Variants in ATP2B2 observed in about 807,000 individuals in gnomAD.
The protein encoded by ATP2B2 is plasma membrane calcium-transporting ATPase 2.
ATP2B2 carries 15 observed loss-of-function variants against 120.0 expected under a neutral mutation model. That is an observed-to-expected ratio of 0.12 (90% CI 0.08 to 0.19). The LOEUF is 0.19. Among genes scored for constraint, ATP2B2 ranks in the 10% least tolerant of loss-of-function variants. ATP2B2 has a pLI of 1.00. For synonymous variants in ATP2B2, 694 were observed against 700.3 expected (o/e 0.99, Z 0.14); for missense variants, 1,045 against 1,719.8 (o/e 0.61, Z 6.94).
chr3:10,524,554 G>T (rs2067051483), intron 3 of ATP2B2, among the ~76,000 whole-genome samples: 1 of 152,078 alleles, frequency 6.6e-6, no homozygotes, highest in Non-Finnish European at 1.5e-5. Flanking sequence ...CCTCTTTTCT[G>T]GGAGAATGGC....
At chr3:10,390,657 C>T (rs1402964691) in intron 5 of ATP2B2, among the ~76,000 whole-genome samples, 1 of 152,164 alleles carries the variant, frequency 6.6e-6, no homozygotes, top group Non-Finnish European at 1.5e-5. Context: ...ATGCAGAAAC[C>T]AAGTCATGAA....
rs372286945 is a variant in ATP2B2, at chr3:10,346,985, TC to T, written c.2405-849del. Among the ~76,000 whole-genome samples, 52 of 152,122 alleles carry T rather than the reference TC, an allele frequency of 3.4e-4. 1 individual carries two copies. The South Asian group carries it at 1.0e-2, about 29-fold the overall frequency. On this transcript the variant is annotated intron_variant, in intron 16 of 22. Transcript: ENST00000360273. The surrounding 1 kb of genome is among the most constrained non-coding windows in gnomAD (Gnocchi z 4.1). ...TTGTTTCCTCTCACTGACTCTGGACTCCCCCTCCAACTTGCTTCCCCACAGC... is the reference window on the plus strand; with the variant it reads ...TTGTTTCCTCTCACTGACTCTGGACTCCCCTCCAACTTGCTTCCCCACAGC...
At chr3:10,471,920 A>T (rs1346427517) in intron 1 of ATP2B2, among the ~76,000 whole-genome samples, 2 of 151,672 alleles carry the variant, frequency 1.3e-5, no homozygotes, top group Non-Finnish European at 2.9e-5. Context: ...CTCTACTAAA[A>T]ATACAAAAAA....
At chr3:10,707,594 G>C (rs1177329445) in intron 1 of ATP2B2, among the ~76,000 whole-genome samples, 1 of 152,058 alleles carries the variant, frequency 6.6e-6, no homozygotes, top group Non-Finnish European at 1.5e-5. Flanking sequence ...CCAGCTCCGG[G>C]GCTGCTCCGA....
At chr3:10,494,991 A>G (rs1020283024) in intron 1 of ATP2B2, among the ~76,000 whole-genome samples, 1 of 152,184 alleles carries the variant, frequency 6.6e-6, no homozygotes, top group African/African-American at 2.4e-5. Flanking sequence ...GGTGCTTAAG[A>G]CATGTAAACC....
chr3:10,507,531 G>A (rs977120990), upstream of ATP2B2, among the ~76,000 whole-genome samples: 6 of 152,212 alleles, frequency 3.9e-5, no homozygotes, highest in African/African-American at 1.4e-4. Context: ...AAGACGGGCA[G>A]AGGCGGAAAG....
chr3:10,488,501 T>TCCTTCCTA (rs2065810800), intron 1 of ATP2B2, among the ~76,000 whole-genome samples: 1 of 76,960 alleles, frequency 1.3e-5, no homozygotes, highest in African/African-American at 5.1e-5. Context: ...CTTCCTTCCT[T>TCCTTCCTA]CCTTCGTTCC....
At chr3:10,348,526 C>T (rs1377335312) in intron 16 of ATP2B2, among the ~76,000 whole-genome samples, 1 of 152,226 alleles carries the variant, frequency 6.6e-6, no homozygotes, top group African/African-American at 2.4e-5. Context: ...CTCCAGTCTC[C>T]TGTAGCTTCC....
rs151102969 is a variant in ATP2B2 at position 10,460,571 on chromosome 3, C to G, written c.-319-10709G>C. Among the ~76,000 whole-genome samples the G allele has an allele frequency of 2.5e-3, 380 of 152,236 alleles. 3 individuals are homozygous for G. The highest frequency in any genetic ancestry group is 9.0e-3 in the African/African-American group (374 of 41,524). On this transcript the variant is annotated intron_variant, in intron 1 of 22. Transcript: ENST00000360273. ...CGCTGGGGAAGGCACTGGGCCTTTT[C>G]CATGAGTTCTGTGAGCAAGCATGGG...
At chr3:10,592,929 T>G (rs60602260) in intron 2 of ATP2B2, among the ~76,000 whole-genome samples, 2 of 152,028 alleles carry the variant, frequency 1.3e-5, no homozygotes, top group Non-Finnish European at 2.9e-5. Context: ...ACTACAGGTA[T>G]GCACCACCAC....
chr3:10,459,785 A>G (rs2125230472), intron 1 of ATP2B2, among the ~76,000 whole-genome samples: 1 of 152,326 alleles, frequency 6.6e-6, no homozygotes, highest in East Asian at 1.9e-4. Flanking sequence ...ATCCTTCACA[A>G]CGATGCTTTG....
At chr3:10,483,922 C>T (rs936164282) in intron 1 of ATP2B2, among the ~76,000 whole-genome samples, 7 of 98,652 alleles carry the variant, frequency 7.1e-5, no homozygotes, top group South Asian at 2.6e-4. Context: ...GGGATCAAGG[C>T]GGTCCAGGGA....
chr3:10,468,448 G>T (rs901000807), intron 1 of ATP2B2, among the ~76,000 whole-genome samples: 3 of 152,262 alleles, frequency 2.0e-5, no homozygotes, highest in African/African-American at 4.8e-5. Flanking sequence ...CAGAGGGCTG[G>T]CGGCTACCCA....
At chr3:10,596,143 T>C (rs1386484268) in intron 2 of ATP2B2, among the ~76,000 whole-genome samples, 1 of 152,154 alleles carries the variant, frequency 6.6e-6, no homozygotes, top group Non-Finnish European at 1.5e-5. Flanking sequence ...CCTTGCTCTT[T>C]ATCCTTCCCA....
intron 1 of ATP2B2, among the ~76,000 whole-genome samples, chr3:10,623,809 C>T (rs930886829): frequency 6.6e-6 from 1 of 152,180 alleles, no homozygotes; most frequent in Non-Finnish European, 1.5e-5. Flanking sequence ...CCCACGTGAA[C>T]CTCATTCTTC....
intron 14 of ATP2B2, among the ~76,000 whole-genome samples, chr3:10,355,284 AG>A (rs1294150784): frequency 6.6e-6 from 1 of 152,146 alleles, no homozygotes; most frequent in Non-Finnish European, 1.5e-5. Context: ...GCCATCTGTG[AG>A]GGAGTGGCAG....
chr3:10,606,066 T>C (rs1249589127), intron 2 of ATP2B2, among the ~76,000 whole-genome samples: 1 of 152,038 alleles, frequency 6.6e-6, no homozygotes, highest in Non-Finnish European at 1.5e-5. Context: ...TGCAGCGAGC[T>C]ACGATTGTAC....
At chr3:10,475,871 G>A (rs911310479) in intron 1 of ATP2B2, among the ~76,000 whole-genome samples, 1 of 152,170 alleles carries the variant, frequency 6.6e-6, no homozygotes, top group Admixed American at 6.5e-5. Context: ...CTGGGGACTT[G>A]AAGGTGATTC....
At chr3:10,643,181 T>C (rs1361931329) in intron 1 of ATP2B2, among the ~76,000 whole-genome samples, 5 of 152,150 alleles carry the variant, frequency 3.3e-5, no homozygotes, top group Admixed American at 6.5e-5. Context: ...AGCACCAAAA[T>C]AATTAATACG....
Sources: allele counts gnomAD v4.1 joint callset (sites outside exome capture counted in the v4.1 genomes callset), GRCh38; gene constraint gnomAD v4.1.1; non-coding constraint Gnocchi (gnomAD v3.1); transcripts MANE v1.5; gene names NCBI Gene and HGNC (gene_info 2026-07-23, HGNC 2026-07-21).